Variants in NTRK3 observed in about 807,000 individuals in gnomAD.
NTRK3 encodes the protein NT-3 growth factor receptor.
A neutral mutation model predicts 91.7 loss-of-function variants in NTRK3; 24 were observed. That is an observed-to-expected ratio of 0.26 (90% CI 0.19 to 0.37). NTRK3 has a LOEUF of 0.37. Among genes scored for constraint, NTRK3 ranks in the 10% least tolerant of loss-of-function variants. NTRK3 has a pLI of 1.00. For missense variants in NTRK3, 880 were observed against 1,068.9 expected (o/e 0.82, Z 2.46); for synonymous variants, 483 against 404.0 (o/e 1.20, Z -2.34).
chr15:87,895,911 T>A (rs931401099), intron 17 of NTRK3, among the ~76,000 whole-genome samples: 2 of 152,120 alleles, frequency 1.3e-5, no homozygotes, highest in African/African-American at 2.4e-5. Context: ...GATCTTCAGA[T>A]AAATTCAACC....
chr15:87,935,940 G>A (rs2069236686), intron 15 of NTRK3, among the ~76,000 whole-genome samples: 1 of 152,178 alleles, frequency 6.6e-6, no homozygotes. Flanking sequence ...CAAACCTGAA[G>A]TTCTTACCTA....
At chr15:88,183,356 G>T (rs998204448) in intron 5 of NTRK3, 62 bp downstream of exon 5, 1 of 1,568,932 alleles carries the variant, frequency 6.4e-7, no homozygotes, top group Non-Finnish European at 8.8e-7. Context: ...CAGGTCTCCG[G>T]TTTCACTGCC....
At chr15:87,896,498 A>G (rs1027264684) in intron 17 of NTRK3, among the ~76,000 whole-genome samples, 2 of 151,070 alleles carry the variant, frequency 1.3e-5, no homozygotes, top group Non-Finnish European at 3.0e-5. Context: ...GAAAGAAAGG[A>G]AAGAAAAAAA....
chr15:87,939,506 G>A (rs987487790), intron 15 of NTRK3, among the ~76,000 whole-genome samples: 2 of 152,232 alleles, frequency 1.3e-5, no homozygotes, highest in East Asian at 1.9e-4. Flanking sequence ...TTCATTCTTC[G>A]AGGCTATTTG....
At chr15:87,959,314 C>T (rs2072006121) in intron 14 of NTRK3, among the ~76,000 whole-genome samples, 3 of 152,216 alleles carry the variant, frequency 2.0e-5, no homozygotes, top group Non-Finnish European at 2.9e-5. Flanking sequence ...ACCTGGTAGA[C>T]AGTGGTGCTC....
At chr15:88,093,557 TAGAC>T in intron 13 of NTRK3, among the ~76,000 whole-genome samples, 2 of 152,310 alleles carry the variant, frequency 1.3e-5, no homozygotes. Flanking sequence ...AGGATTTAAA[TAGAC>T]AGGCTCTGTC....
At chr15:87,994,583 T>A (rs371643541) in intron 14 of NTRK3, among the ~76,000 whole-genome samples, 12 of 152,306 alleles carry the variant, frequency 7.9e-5, no homozygotes, top group African/African-American at 2.9e-4. Flanking sequence ...GATCTTGGAT[T>A]TCGGGCCTCC....
chr15:87,966,869 G>A (rs911310455), intron 14 of NTRK3, among the ~76,000 whole-genome samples: 1 of 152,168 alleles, frequency 6.6e-6, no homozygotes, highest in African/African-American at 2.4e-5. Context: ...GGACTGTATT[G>A]TCTCTAGACT....
chr15:88,151,866 T>C (rs1026750605), intron 5 of NTRK3, among the ~76,000 whole-genome samples: 9 of 152,220 alleles, frequency 5.9e-5, no homozygotes, highest in Non-Finnish European at 1.3e-4. Flanking sequence ...GTCTCTGAGC[T>C]ATTAAACCAG....
At chr15:88,199,312 A>T (rs967666449) in intron 3 of NTRK3, among the ~76,000 whole-genome samples, 1 of 152,172 alleles carries the variant, frequency 6.6e-6, no homozygotes, top group African/African-American at 2.4e-5. Flanking sequence ...GACACTCATC[A>T]TGTCGTCCGG....
chr15:87,874,034 G>A (rs2064888876), exon 19 of NTRK3: 1 of 228,456 alleles, frequency 4.4e-6, no homozygotes, highest in Non-Finnish European at 8.7e-6. Context: ...ATTAGCAGGT[G>A]TACCCCTTAT....
chr15:87,866,415 A>T (rs1366730574), exon 19 of NTRK3: 1 of 170,356 alleles, frequency 5.9e-6, no homozygotes, highest in African/African-American at 2.4e-5. Flanking sequence ...GTATACATTT[A>T]CATATATATG....
chr15:87,984,359 G>A (rs1163950793), intron 14 of NTRK3, among the ~76,000 whole-genome samples: 1 of 152,188 alleles, frequency 6.6e-6, no homozygotes, highest in East Asian at 1.9e-4. Context: ...AAGGTTGTGG[G>A]AAGGTGATCA....
chr15:87,944,411 T>A (rs986922770), intron 14 of NTRK3, among the ~76,000 whole-genome samples: 1 of 152,216 alleles, frequency 6.6e-6, no homozygotes, highest in Admixed American at 6.5e-5. Flanking sequence ...ACACCTACTG[T>A]GTGTTCAACA....
At position 88,255,201 on chromosome 15, in the gene NTRK3, G is replaced by A. The variant is rs949881528; in HGVS notation, c.248+705C>T. 3.3e-5 allele frequency among the ~76,000 whole-genome samples: 5 copies of A among 152,120 alleles called. No individual in the cohort carries two copies. Among genetic ancestry groups the A allele is most frequent in the African/African-American group, 4.8e-5 (2 of 41,418 alleles). ...CGAGCAGTTATCAAAGCCCAAACTG[G>A]GAAGGGATCTGTAGGCGCCCAGATG... is the stretch of plus-strand genomic sequence containing the variant. On this transcript the variant is annotated intron_variant, in intron 3 of 18. Coordinates refer to ENST00000394480, the Ensembl canonical transcript of NTRK3. This position sits in a 1 kb window ranked among gnomAD's most constrained non-coding sequence, Gnocchi z 4.3.
At chr15:88,150,450 G>A (rs2043266370) in intron 5 of NTRK3, among the ~76,000 whole-genome samples, 1 of 152,144 alleles carries the variant, frequency 6.6e-6, no homozygotes, top group African/African-American at 2.4e-5. Context: ...AGGAAGGAGG[G>A]GTCCTGGGAC....
chr15:88,023,856 T>C (rs2077795640), intron 14 of NTRK3, among the ~76,000 whole-genome samples: 1 of 152,112 alleles, frequency 6.6e-6, no homozygotes, highest in African/African-American at 2.4e-5. Flanking sequence ...TCTGCAGGAG[T>C]AGCAGCTGCT....
rs116796122 is a variant in NTRK3, at chr15:88,176,045, G to A, written c.395+7373C>T. Among the ~76,000 whole-genome samples, 339 of 151,954 alleles carry A rather than the reference G, an allele frequency of 2.2e-3. 3 individuals are homozygous for A. The highest frequency in any genetic ancestry group is 7.6e-3 in the African/African-American group (316 of 41,426). On this transcript the variant is annotated intron_variant, in intron 5 of 18. Transcript: ENST00000394480. ...ACATTTTTGTATCACACCTCAGCAG[G>A]GTGATACTGCGATATGATTCTGTAC... is the stretch of plus-strand genomic sequence containing the variant.
chr15:87,959,613 G>A (rs1456176658), intron 14 of NTRK3, among the ~76,000 whole-genome samples: 2 of 152,210 alleles, frequency 1.3e-5, no homozygotes, highest in African/African-American at 2.4e-5. Context: ...AACGTTTAAA[G>A]TTATTGAAAA....
Sources: gnomAD v4.1 joint callset for allele counts (sites outside exome capture counted in the v4.1 genomes callset) on GRCh38, gnomAD v4.1.1 for gene constraint, Gnocchi (gnomAD v3.1) non-coding constraint, MANE v1.5 for transcripts, NCBI Gene and HGNC (gene_info 2026-07-23, HGNC 2026-07-21) for gene names.